Variants in TNKS observed in about 807,000 individuals in gnomAD.
TNKS encodes tankyrase, also known as poly [ADP-ribose] polymerase tankyrase-1.
TNKS carries 72 observed loss-of-function variants against 135.8 expected under a neutral mutation model. The ratio of observed to expected loss-of-function variants is 0.53; its 90% confidence interval spans 0.44 to 0.64. TNKS has a LOEUF of 0.64. Ranked by LOEUF, TNKS falls within the 30% of genes least tolerant of loss-of-function variation. The pLI is 0.00. For synonymous variants in TNKS, 849 were observed against 649.3 expected, an observed-to-expected ratio of 1.31 and a Z score of -4.68; for missense variants, 1,769 against 1,674.0, an observed-to-expected ratio of 1.06 and a Z score of -0.99.
chr8:9,720,333 C>G, intron 11 of TNKS, 41 bp from the exon 12 acceptor site: 2 of 1,497,398 alleles, frequency 1.3e-6, no homozygotes, highest in South Asian at 1.4e-5. Context: ...GGAAACTAAA[C>G]AAGATGCTCA....
chr8:9,562,047 C>T (rs1438079810), intron 1 of TNKS, among the ~76,000 whole-genome samples: 2 of 152,074 alleles, frequency 1.3e-5, no homozygotes, highest in Non-Finnish European at 2.9e-5. Flanking sequence ...GAACTCCTGA[C>T]CTCAGGTGTT....
chr8:9,668,041 C>A (rs1171678780), intron 3 of TNKS, among the ~76,000 whole-genome samples: 3 of 152,170 alleles, frequency 2.0e-5, no homozygotes, highest in Non-Finnish European at 4.4e-5. Flanking sequence ...ACCAAACCTG[C>A]AGCAACTTGT....
At chr8:9,771,855 A>AGAGG (rs1381957781) in intron 26 of TNKS, among the ~76,000 whole-genome samples, 1 of 13,912 alleles carries the variant, frequency 7.2e-5, no homozygotes. Context: ...AGGGAGGGAG[A>AGAGG]GAGAGCTAGA....
At chr8:9,634,004 T>A (rs1455051099) in intron 3 of TNKS, among the ~76,000 whole-genome samples, 1 of 151,836 alleles carries the variant, frequency 6.6e-6, no homozygotes, top group Non-Finnish European at 1.5e-5. Flanking sequence ...AGTTGTCATT[T>A]CCAGATGTAA....
At chr8:9,699,717 T>G (rs1441360881) in intron 5 of TNKS, among the ~76,000 whole-genome samples, 1 of 152,208 alleles carries the variant, frequency 6.6e-6, no homozygotes, top group Non-Finnish European at 1.5e-5. Context: ...CGTCATCATT[T>G]CTCTCTTGGA....
intron 1 of TNKS, among the ~76,000 whole-genome samples, chr8:9,574,249 C>G (rs1276009091): frequency 2.0e-5 from 3 of 152,108 alleles, no homozygotes; most frequent in African/African-American, 4.8e-5. Flanking sequence ...ATAGTTGTTG[C>G]AGAAAAGCAG....
intron 2 of TNKS, among the ~76,000 whole-genome samples, chr8:9,598,197 C>T (rs181992709): frequency 2.7e-3 from 406 of 152,160 alleles, no homozygotes; most frequent in African/African-American, 9.4e-3. Flanking sequence ...AGGTGCCTGC[C>T]ACCATGCCCG....
chr8:9,603,916 AG>A (rs1333239434), intron 2 of TNKS, among the ~76,000 whole-genome samples: 1 of 152,226 alleles, frequency 6.6e-6, no homozygotes, highest in Non-Finnish European at 1.5e-5. Flanking sequence ...TAGAAGTCAA[AG>A]AACTTCAATG....
chr8:9,749,068 G>C (rs1381126116), intron 18 of TNKS, among the ~76,000 whole-genome samples: 1 of 152,194 alleles, frequency 6.6e-6, no homozygotes, highest in Non-Finnish European at 1.5e-5. Flanking sequence ...TGTTCTTTAA[G>C]GCTAAGCCTG....
chr8:9,707,366 G>T (rs62491551), intron 8 of TNKS, among the ~76,000 whole-genome samples: 21,350 of 152,088 alleles, frequency 0.14, 1,931 homozygotes, highest in East Asian at 0.2. Context: ...TTACATTCTT[G>T]TGCTATTGAC....
chr8:9,635,250 A>T (rs1469411451), intron 3 of TNKS, among the ~76,000 whole-genome samples: 2 of 152,192 alleles, frequency 1.3e-5, no homozygotes, highest in Non-Finnish European at 2.9e-5. Flanking sequence ...AACCATCCTG[A>T]AGGGGCTCCC....
chr8:9,627,091 G>A (rs1563126953), intron 3 of TNKS, among the ~76,000 whole-genome samples: 1 of 152,256 alleles, frequency 6.6e-6, no homozygotes, highest in East Asian at 1.9e-4. Context: ...AGTTTAATCA[G>A]TTGTGCCTAT....
intron 13 of TNKS, among the ~76,000 whole-genome samples, chr8:9,730,241 G>C (rs1805367786): frequency 6.6e-6 from 1 of 152,108 alleles, no homozygotes. Flanking sequence ...GAGAGATAAG[G>C]AGACATAGAA....
At chr8:9,643,495 TA>T (rs1800796851) in intron 3 of TNKS, among the ~76,000 whole-genome samples, 1 of 151,976 alleles carries the variant, frequency 6.6e-6, no homozygotes. Context: ...AATCACCTCT[TA>T]AAGGTCCCGC....
At chr8:9,596,763 T>C (rs1798804437) in intron 2 of TNKS, among the ~76,000 whole-genome samples, 1 of 152,228 alleles carries the variant, frequency 6.6e-6, no homozygotes, top group Non-Finnish European at 1.5e-5. Flanking sequence ...TGGCTAGAGA[T>C]AGAGGGCACA....
At chr8:9,585,166 AT>A (rs568388924) in intron 2 of TNKS, among the ~76,000 whole-genome samples, 2 of 151,524 alleles carry the variant, frequency 1.3e-5, no homozygotes, top group African/African-American at 2.4e-5. Context: ...CCACCACCTA[AT>A]TTTTTTTTCA....
rs561133597 is a variant in TNKS at position 9,773,602 on chromosome 8, TAA to T, written c.3898-3047_3898-3046del. Among the ~76,000 whole-genome samples, 116 of 152,292 alleles carry T rather than the reference TAA, an allele frequency of 7.6e-4. 1 individual carries two copies. Among genetic ancestry groups the T allele is most frequent in the African/African-American group, 2.7e-3 (112 of 41,570 alleles). Reference sequence around the variant, plus strand: ...ATAAGGAATACTTAGAAGATAAGTTTAAGTTTACTTTTCTGAAATTTACTAAT... The same window carrying T: ...ATAAGGAATACTTAGAAGATAAGTTTGTTTACTTTTCTGAAATTTACTAAT... On this transcript the variant is annotated intron_variant, in intron 26 of 26. Transcript: ENST00000310430.
intron 3 of TNKS, among the ~76,000 whole-genome samples, chr8:9,621,651 A>G (rs12682175): frequency 0.58 from 88,016 of 151,996 alleles, 25,943 homozygotes; most frequent in Middle Eastern, 0.7. Context: ...TAGCTATACT[A>G]TAACCTGGCA....
rs528344231 is a variant in TNKS, at chr8:9,582,803, C to G, written c.898+2420C>G. On this transcript the variant is annotated intron_variant, in intron 2 of 26. Transcript: ENST00000310430. ...TTATTGTTGGTGCTAAAATCTCAGC[C>G]TGAATTATGCTCCTGTGTGGTACAG... Among the ~76,000 whole-genome samples, 5 of 152,244 alleles carry G rather than the reference C, an allele frequency of 3.3e-5. No homozygotes were observed. The East Asian group carries it at 9.7e-4, about 29-fold the overall frequency.
Sources: allele counts gnomAD v4.1 joint callset (sites outside exome capture counted in the v4.1 genomes callset), GRCh38; gene constraint gnomAD v4.1.1; transcripts MANE v1.5; gene names NCBI Gene and HGNC (gene_info 2026-07-23, HGNC 2026-07-21).